CPNE4: variants seen among roughly 807,000 people sequenced by gnomAD.
CPNE4 encodes the protein copine 4, also known as copine-4.
Under a neutral mutation model 67.9 loss-of-function variants are expected in CPNE4, and 25 were observed. The ratio of observed to expected loss-of-function variants is 0.37; its 90% confidence interval spans 0.27 to 0.51. The LOEUF is 0.51. Ranked by LOEUF, CPNE4 falls within the 20% of genes least tolerant of loss-of-function variation. The pLI is 0.93. For missense variants in CPNE4, 464 were observed against 690.8 expected (o/e 0.67, Z 3.68); for synonymous variants, 242 against 244.9 (o/e 0.99, Z 0.11).
At chr3:131,810,861 G>A (rs1193760855) in intron 2 of CPNE4, among the ~76,000 whole-genome samples, 5 of 152,032 alleles carry the variant, frequency 3.3e-5, no homozygotes, top group Admixed American at 3.3e-4. Context: ...CCTTAAAAAA[G>A]AAGGAAATCA....
At chr3:131,823,265 T>C (rs2085031533) in intron 2 of CPNE4, among the ~76,000 whole-genome samples, 2 of 152,230 alleles carry the variant, frequency 1.3e-5, no homozygotes, top group African/African-American at 4.8e-5. Context: ...CAGTCCTCAT[T>C]GCAAGCTTGC....
At chr3:131,833,994 T>C (rs193075076) in intron 2 of CPNE4, among the ~76,000 whole-genome samples, 1 of 152,194 alleles carries the variant, frequency 6.6e-6, no homozygotes, top group East Asian at 1.9e-4. Context: ...TTAAAATTAT[T>C]TGAATAATTC....
chr3:131,684,749 C>T (rs1332269461), intron 6 of CPNE4, among the ~76,000 whole-genome samples: 6 of 152,192 alleles, frequency 3.9e-5, no homozygotes, highest in Non-Finnish European at 7.3e-5. Flanking sequence ...TAATTCAGCA[C>T]AAGAATATCA....
chr3:131,733,983 G>A (rs911291943), intron 2 of CPNE4, among the ~76,000 whole-genome samples: 1 of 152,344 alleles, frequency 6.6e-6, no homozygotes, highest in Non-Finnish European at 1.5e-5. Context: ...CCCTCCTCAC[G>A]ATAGGTGTTC....
intron 1 of CPNE4, among the ~76,000 whole-genome samples, chr3:131,956,692 G>A (rs2107907233): frequency 6.6e-6 from 1 of 152,230 alleles, no homozygotes; most frequent in East Asian, 1.9e-4. Context: ...TATAAAGTGT[G>A]TCCTATCCAT....
intron 15 of CPNE4, chr3:131,537,538 A>T: frequency 4.8e-6 from 1 of 207,142 alleles, no homozygotes; most frequent in Non-Finnish European, 9.9e-6. Context: ...CCGCCTCAGC[A>T]TCTCAAAGTC....
At chr3:131,631,023 C>A (rs536042845) in intron 7 of CPNE4, among the ~76,000 whole-genome samples, 46 of 152,310 alleles carry the variant, frequency 3.0e-4, no homozygotes, top group Non-Finnish European at 5.9e-4. Flanking sequence ...GTGTGACTAA[C>A]TGGGGAATTA....
At chr3:131,667,155 C>T (rs902427666) in intron 7 of CPNE4, among the ~76,000 whole-genome samples, 3 of 152,048 alleles carry the variant, frequency 2.0e-5, no homozygotes, top group African/African-American at 7.2e-5. Flanking sequence ...CCCCTTTTAA[C>T]ACAACAGATT....
chr3:131,821,456 G>A (rs529099720), intron 2 of CPNE4, among the ~76,000 whole-genome samples: 2 of 152,320 alleles, frequency 1.3e-5, no homozygotes, highest in South Asian at 4.1e-4. Flanking sequence ...TGTAGCTGCT[G>A]CGATGTGTGA....
chr3:131,794,891 A>AGTC, intron 2 of CPNE4, among the ~76,000 whole-genome samples: 1 of 152,296 alleles, frequency 6.6e-6, no homozygotes, highest in East Asian at 1.9e-4. Context: ...TCACCAAGGC[A>AGTC]GTCGCCTTCC....
intron 2 of CPNE4, among the ~76,000 whole-genome samples, chr3:131,739,591 T>C (rs911471048): frequency 3.9e-5 from 6 of 152,190 alleles, no homozygotes; most frequent in Admixed American, 1.3e-4. Flanking sequence ...GACAGTTTGG[T>C]AGAGAAGAAA....
intron 1 of CPNE4, among the ~76,000 whole-genome samples, chr3:131,926,804 G>A (rs963548966): frequency 7.2e-5 from 11 of 152,118 alleles, no homozygotes; most frequent in African/African-American, 2.7e-4. Flanking sequence ...ATACCCTAGA[G>A]AAAGGTGACT....
At chr3:131,782,609 T>C (rs1277512662) in intron 2 of CPNE4, among the ~76,000 whole-genome samples, 1 of 152,034 alleles carries the variant, frequency 6.6e-6, no homozygotes, top group Non-Finnish European at 1.5e-5. Context: ...ATTTAAAATG[T>C]TCTACTAGGG....
At chr3:131,878,715 C>T (rs994942370) in intron 2 of CPNE4, among the ~76,000 whole-genome samples, 2 of 152,138 alleles carry the variant, frequency 1.3e-5, no homozygotes, top group African/African-American at 4.8e-5. Context: ...ACATTCTTAA[C>T]CCGTTTGCTA....
At chr3:132,024,769 AAATAG>A (rs1371210981) in intron 1 of CPNE4, among the ~76,000 whole-genome samples, 5 of 152,178 alleles carry the variant, frequency 3.3e-5, no homozygotes, top group Admixed American at 1.3e-4. Context: ...TGTGAGTCTT[AAATAG>A]AATAATGTGT....
At chr3:131,799,922 TG>T (rs1298721740) in intron 2 of CPNE4, among the ~76,000 whole-genome samples, 7 of 2,454 alleles carry the variant, frequency 2.9e-3, no homozygotes, top group Non-Finnish European at 5.6e-3. Context: ...GTGTGTGTTG[TG>T]TGTGTGTGTG....
intron 6 of CPNE4, among the ~76,000 whole-genome samples, chr3:131,680,123 T>C (rs565507935): frequency 1.3e-5 from 2 of 152,336 alleles, no homozygotes; most frequent in Admixed American, 1.3e-4. Context: ...GTTGGGTGCA[T>C]ACATATTTAG....
At chr3:131,747,810 T>A (rs748100871) in intron 2 of CPNE4, among the ~76,000 whole-genome samples, 5 of 152,212 alleles carry the variant, frequency 3.3e-5, no homozygotes, top group Non-Finnish European at 7.3e-5. Context: ...AGGAACAGTT[T>A]TATTTCTTAC....
At chr3:132,000,726 A>G (rs1207767673) in intron 1 of CPNE4, among the ~76,000 whole-genome samples, 3 of 151,772 alleles carry the variant, frequency 2.0e-5, no homozygotes, top group Non-Finnish European at 1.5e-5. Context: ...AAACAACTAC[A>G]AAAGTCTTAA....
Sources: gnomAD v4.1 joint callset for allele counts (sites outside exome capture counted in the v4.1 genomes callset) on GRCh38, gnomAD v4.1.1 for gene constraint, MANE v1.5 for transcripts, NCBI Gene and HGNC (gene_info 2026-07-23, HGNC 2026-07-21) for gene names.